The following RIT2 variants were observed in gnomAD, a reference collection of about 807,000 sequenced individuals.
The protein encoded by RIT2 is GTP-binding protein Rit2.
A neutral mutation model predicts 23.7 loss-of-function variants in RIT2; 24 were observed. That is an observed-to-expected ratio of 1.01 (90% CI 0.73 to 1.43). RIT2 has a LOEUF of 1.43. RIT2 is among the 40% of genes most tolerant of loss of function. The pLI is 0.00. For missense variants in RIT2, 236 were observed against 266.9 expected, an observed-to-expected ratio of 0.88 and a Z score of 0.81; for synonymous variants, 107 against 91.1, an observed-to-expected ratio of 1.17 and a Z score of -0.99.
intron 2 of RIT2, among the ~76,000 whole-genome samples, chr18:43,006,543 G>A (rs1342910392): frequency 6.6e-6 from 1 of 151,486 alleles, no homozygotes. Context: ...ACTTAGGAAA[G>A]AATGAATCAT....
At chr18:43,024,841 A>C (rs1028916908) in intron 2 of RIT2, among the ~76,000 whole-genome samples, 1 of 152,072 alleles carries the variant, frequency 6.6e-6, no homozygotes, top group Non-Finnish European at 1.5e-5. Flanking sequence ...ATAAATGGTC[A>C]GTATCGCTCA....
At chr18:42,788,493 T>G (rs565866944) in intron 4 of RIT2, among the ~76,000 whole-genome samples, 1 of 152,210 alleles carries the variant, frequency 6.6e-6, no homozygotes, top group Non-Finnish European at 1.5e-5. Flanking sequence ...TCTTTATCCA[T>G]GAATTGTTTT....
chr18:42,952,057 T>C (rs1909863621), intron 3 of RIT2, among the ~76,000 whole-genome samples: 1 of 152,112 alleles, frequency 6.6e-6, no homozygotes, highest in Admixed American at 6.6e-5. Flanking sequence ...AAGAACAGCA[T>C]GGGAAAGACC....
chr18:43,078,116 G>A (rs1913068364), intron 1 of RIT2, among the ~76,000 whole-genome samples: 1 of 152,064 alleles, frequency 6.6e-6, no homozygotes, highest in Admixed American at 6.5e-5. Flanking sequence ...TGCAAACCAT[G>A]GACAGCTAAG....
At chr18:42,880,870 T>C (rs1181225222) in intron 4 of RIT2, among the ~76,000 whole-genome samples, 1 of 147,016 alleles carries the variant, frequency 6.8e-6, no homozygotes, top group Non-Finnish European at 1.5e-5. Flanking sequence ...TGCAATGGCA[T>C]GATCTCGGCT....
chr18:42,888,915 G>A (rs781436456), intron 4 of RIT2, among the ~76,000 whole-genome samples: 53 of 152,046 alleles, frequency 3.5e-4, no homozygotes, highest in Non-Finnish European at 6.8e-4. Flanking sequence ...TCTGGAAGAA[G>A]GAAGGAGGAG....
intron 2 of RIT2, among the ~76,000 whole-genome samples, chr18:43,025,816 T>C (rs893084785): frequency 6.6e-6 from 1 of 152,056 alleles, no homozygotes; most frequent in Admixed American, 6.6e-5. Flanking sequence ...ATAATAGTTA[T>C]TGAAGACTCC....
chr18:42,896,771 G>A (rs1908341236), intron 4 of RIT2, among the ~76,000 whole-genome samples: 1 of 152,134 alleles, frequency 6.6e-6, no homozygotes, highest in Non-Finnish European at 1.5e-5. Flanking sequence ...TGCTGATCAT[G>A]GTGAACTCCA....
intron 4 of RIT2, among the ~76,000 whole-genome samples, chr18:42,756,836 A>T (rs1254995152): frequency 6.6e-6 from 1 of 152,070 alleles, no homozygotes; most frequent in Non-Finnish European, 1.5e-5. Flanking sequence ...CTCTTTGAAG[A>T]CCAAAAAATT....
chr18:43,002,030 T>C (rs913872150), intron 2 of RIT2, among the ~76,000 whole-genome samples: 1 of 151,904 alleles, frequency 6.6e-6, no homozygotes, highest in East Asian at 1.9e-4. Flanking sequence ...AAGCCCAAGG[T>C]GAAGTCCCAC....
intron 1 of RIT2, among the ~76,000 whole-genome samples, chr18:43,090,987 G>A (rs76069672): frequency 0.027 from 4,040 of 151,878 alleles, 191 homozygotes; most frequent in African/African-American, 0.09. Flanking sequence ...AAGTTTATCT[G>A]TATGACAAGT....
chr18:42,808,180 G>A (rs1905738023), intron 4 of RIT2, among the ~76,000 whole-genome samples: 1 of 152,208 alleles, frequency 6.6e-6, no homozygotes, highest in Non-Finnish European at 1.5e-5. Flanking sequence ...TCTCGCCTCA[G>A]AGTTGCACAA....
intron 2 of RIT2, among the ~76,000 whole-genome samples, chr18:43,008,198 T>G (rs1911269039): frequency 6.6e-6 from 1 of 151,598 alleles, no homozygotes. Context: ...ATATTAATAT[T>G]TTTAAAATAA....
chr18:43,074,963 G>A (rs1912979148), intron 1 of RIT2, among the ~76,000 whole-genome samples: 1 of 152,136 alleles, frequency 6.6e-6, no homozygotes, highest in African/African-American at 2.4e-5. Flanking sequence ...ATACCTAAGT[G>A]ATGGGTTGAT....
chr18:42,795,681 C>T (rs1032787869), intron 4 of RIT2, among the ~76,000 whole-genome samples: 19 of 152,252 alleles, frequency 1.2e-4, no homozygotes, highest in African/African-American at 4.6e-4. Flanking sequence ...TGGGTGAAGC[C>T]AGCTGGGGTC....
intron 4 of RIT2, among the ~76,000 whole-genome samples, chr18:42,777,443 C>T (rs961243296): frequency 3.9e-5 from 6 of 152,006 alleles, no homozygotes; most frequent in African/African-American, 1.4e-4. Flanking sequence ...GAAGAGGAAC[C>T]AACAAAGAAG....
At chr18:42,875,002 T>C (rs1035686119) in intron 4 of RIT2, among the ~76,000 whole-genome samples, 1 of 152,124 alleles carries the variant, frequency 6.6e-6, no homozygotes, top group African/African-American at 2.4e-5. Context: ...AGTTTAAAAC[T>C]AAGCATAGAG....
At chr18:42,747,813 G>T (rs1026128630) in intron 4 of RIT2, among the ~76,000 whole-genome samples, 1 of 152,012 alleles carries the variant, frequency 6.6e-6, no homozygotes, top group African/African-American at 2.4e-5. Context: ...AACAAATGGT[G>T]TTAGGATAAT....
At chr18:42,983,549 A>G (rs1910643941) in intron 2 of RIT2, among the ~76,000 whole-genome samples, 1 of 152,142 alleles carries the variant, frequency 6.6e-6, no homozygotes. Flanking sequence ...AGACTCCATT[A>G]ACATGAGGAA....
Sources: gnomAD v4.1 joint callset for allele counts (sites outside exome capture counted in the v4.1 genomes callset) on GRCh38, gnomAD v4.1.1 for gene constraint, MANE v1.5 for transcripts, NCBI Gene and HGNC (gene_info 2026-07-23, HGNC 2026-07-21) for gene names.